Variants in EPS15 observed in about 807,000 individuals in gnomAD.
EPS15 encodes the protein epidermal growth factor receptor pathway substrate 15.
A neutral mutation model predicts 113.8 loss-of-function variants in EPS15; 72 were observed. The ratio of observed to expected loss-of-function variants is 0.63; its 90% CI spans 0.52 to 0.77. The LOEUF (loss-of-function observed/expected upper bound fraction) is 0.77, where lower values mean the gene tolerates loss of function less well. Ranked by LOEUF, EPS15 falls within the 30% of genes least tolerant of loss-of-function variation. The probability of loss-of-function intolerance (pLI) is 0.00; values close to 1 mark genes in which losing one functional copy is unlikely to be tolerated. For missense variants in EPS15, 1,048 were observed against 1,045.8 expected, an observed-to-expected ratio of 1.00 and a Z score of -0.03; for synonymous variants, 344 against 363.4, an observed-to-expected ratio of 0.95 and a Z score of 0.61.
At chr1:51,478,337 G>C (rs1233742053) in intron 2 of EPS15, among the ~76,000 whole-genome samples, 2 of 152,122 alleles carry the variant, frequency 1.3e-5, no homozygotes, top group Non-Finnish European at 2.9e-5. Flanking sequence ...TTTATTTTGA[G>C]CCTATGTGTG....
At chr1:51,357,649 T>C (rs1230462312) in intron 24 of EPS15, among the ~76,000 whole-genome samples, 1 of 116,988 alleles carries the variant, frequency 8.5e-6, no homozygotes, top group Non-Finnish European at 1.8e-5. Context: ...GTAAAAAAGC[T>C]AAGAAGCAAG....
chr1:51,461,164 T>C lies in EPS15; in HGVS notation c.502-14A>G. The C allele has an allele frequency of 2.6e-6, 4 of 1,562,762 alleles. No homozygotes were observed. Among genetic ancestry groups the C allele is most frequent in the Non-Finnish European group, 3.5e-6 (4 of 1,133,956 alleles). ...CAACTCCCAAACCTTAAAAAGAGAATAATTGAAAAAAGATTAATGTTCTTT... is the reference window on the plus strand; with the variant it reads ...CAACTCCCAAACCTTAAAAAGAGAACAATTGAAAAAAGATTAATGTTCTTT... On this transcript the variant is annotated splice_polypyrimidine_tract_variant and intron_variant, in intron 7 of 24. Coordinates refer to ENST00000371733, the MANE Select transcript of EPS15 (RefSeq NM_001981.3).
In EPS15 at chr1:51,512,500, T is replaced by A. The variant is rs895032699; in HGVS notation, c.33+6699A>T. On this transcript the variant is annotated intron_variant, in intron 1 of 24. Transcript: ENST00000371733. Reference sequence around the variant, plus strand: ...AAAAAATGCCAAAAACAAAAAAAAATTCAGAGAAAAAAATTTTGCAAAGGA... The same window carrying A: ...AAAAAATGCCAAAAACAAAAAAAAAATCAGAGAAAAAAATTTTGCAAAGGA... 3.3e-5 allele frequency among the ~76,000 whole-genome samples: 5 copies of A among 151,370 alleles called. No individual in the cohort carries two copies. In the South Asian group the frequency reaches 1.0e-3, roughly 31 times the overall value.
At position 51,403,359 on chromosome 1, in the gene EPS15, ACCT is replaced by A. The variant is rs1240581609; in HGVS notation, c.1791+57_1791+59del. On this transcript the variant is annotated intron_variant, in intron 17 of 24. Coordinates refer to ENST00000371733, the MANE Select transcript of EPS15 (RefSeq NM_001981.3). ...CCCATTAAGTAATGTCTGATAATTC[ACCT>A]CCTCCTGTCCTTCCACCCTTACAAG... The A allele has an allele frequency of 8.1e-6, 7 of 864,274 alleles. No homozygotes were observed. The African/African-American group carries it at 1.2e-4, about 15-fold the overall frequency. The allele number at this position is 864,274 out of a possible 1,614,324, so 53.5% of individuals were successfully genotyped here.
chr1:51,471,075 C>T (rs12756399), intron 4 of EPS15, among the ~76,000 whole-genome samples: 143 of 152,312 alleles, frequency 9.4e-4, no homozygotes, highest in Admixed American at 2.6e-3. Context: ...GATCCTGCTT[C>T]AGCTATGCCG....
At position 51,465,299 on chromosome 1, in the gene EPS15, T is replaced by C. The variant is rs999170512; in HGVS notation, c.337A>G (p.Ser113Gly). Residue 113 changes from serine (S) to glycine (G), a missense_variant, in exon 6 of 25, where the codon AGT (serine) becomes GGT (glycine). By Grantham distance (56) the Ser-to-Gly change is moderately conservative. Coordinates refer to ENST00000371733, the MANE Select transcript of EPS15 (RefSeq NM_001981.3). ...FHDTSSPLLI[S>G]GTSAAELPWA... ...GGGAGCTCAGCTGCAGAGGTTCCAC[T>C]GATTAGCAAAGGACTACTGGTATCA... 6.2e-7 allele frequency: 1 copy of C among 1,611,646 alleles called. No homozygotes were observed. The highest frequency in any genetic ancestry group is 8.5e-7 in the Non-Finnish European group (1 of 1,178,352).
intron 1 of EPS15, among the ~76,000 whole-genome samples, chr1:51,481,829 A>G (rs776927528): frequency 2.0e-5 from 3 of 152,240 alleles, no homozygotes; most frequent in Non-Finnish European, 4.4e-5. Context: ...ACTACAGTTC[A>G]AAGAGTTCCT....
At chr1:51,459,113 C>T (rs1654240391) in intron 8 of EPS15, 2 of 152,134 alleles carry the variant, frequency 1.3e-5, no homozygotes, top group Admixed American at 1.3e-4. Context: ...TGTATTCTGC[C>T]TATTTCATCT....
intron 5 of EPS15, among the ~76,000 whole-genome samples, chr1:51,467,652 G>C (rs536333120): frequency 6.6e-4 from 100 of 152,286 alleles, no homozygotes; most frequent in African/African-American, 2.4e-3. Flanking sequence ...TGTATAGCAG[G>C]AGGTGAGCAG....
At chr1:51,501,049 A>C (rs1161961834) in intron 1 of EPS15, among the ~76,000 whole-genome samples, 7 of 152,142 alleles carry the variant, frequency 4.6e-5, no homozygotes, top group Admixed American at 4.6e-4. Context: ...ATATTAAAAA[A>C]CACAAAAGAA....
At chr1:51,392,368 G>C (rs1258036340) in intron 21 of EPS15, among the ~76,000 whole-genome samples, 1 of 152,160 alleles carries the variant, frequency 6.6e-6, no homozygotes, top group East Asian at 1.9e-4. Flanking sequence ...AACTCTGCAA[G>C]TGTTCAATAA....
At chr1:51,379,843 C>T (rs1646896771) in intron 21 of EPS15, among the ~76,000 whole-genome samples, 2 of 152,244 alleles carry the variant, frequency 1.3e-5, no homozygotes, top group South Asian at 4.2e-4. Flanking sequence ...GGACGGATCA[C>T]TTGAGGTCAG....
Position 51,383,937 on chromosome 1 carries a change from T to C in EPS15, c.2119+10444A>G, listed in dbSNP as rs192786369. ...CATATGAAAATCAGTCATATTTCTA[T>C]ATACCAACAATGAACAATCTGGAAA... On this transcript the variant is annotated intron_variant, in intron 21 of 24. Coordinates refer to ENST00000371733, the MANE Select transcript of EPS15 (RefSeq NM_001981.3). 2.2e-4 allele frequency among the ~76,000 whole-genome samples: 33 copies of C among 152,270 alleles called. No individual in the cohort carries two copies. The East Asian group carries it at 5.8e-3, about 27-fold the overall frequency.
At position 51,415,019 on chromosome 1, in the gene EPS15, GT is replaced by G. The variant is rs538380293; in HGVS notation, c.1114-5324del. On this transcript the variant is annotated intron_variant, in intron 13 of 24. Transcript: ENST00000371733. Reference sequence around the variant, plus strand: ...ATAATCAGAAAATGTCAAGTTTGCTGTTTTTTTTAAGTATCACATTGCTACC... The same window carrying G: ...ATAATCAGAAAATGTCAAGTTTGCTGTTTTTTTAAGTATCACATTGCTACC... Among the ~76,000 whole-genome samples, 827 of 151,690 alleles carry G rather than the reference GT, an allele frequency of 5.5e-3. 6 individuals are homozygous for G. Among genetic ancestry groups the G allele is most frequent in the Non-Finnish European group, 9.3e-3 (631 of 67,882 alleles).
intron 2 of EPS15, among the ~76,000 whole-genome samples, chr1:51,476,196 G>T (rs1643898076): frequency 6.6e-6 from 1 of 152,082 alleles, no homozygotes; most frequent in Non-Finnish European, 1.5e-5. Context: ...AACCATTTTT[G>T]GTTCCATATG....
At chr1:51,416,074 C>T (rs1408879690) in intron 13 of EPS15, among the ~76,000 whole-genome samples, 1 of 152,042 alleles carries the variant, frequency 6.6e-6, no homozygotes, top group Non-Finnish European at 1.5e-5. Flanking sequence ...ATTAAGGCAA[C>T]AGATGTACCT....
chr1:51,402,049 T>C (rs1264585025), intron 18 of EPS15, among the ~76,000 whole-genome samples: 1 of 152,002 alleles, frequency 6.6e-6, no homozygotes, highest in Non-Finnish European at 1.5e-5. Context: ...AGGCAGGAGA[T>C]TAGCTTGAAT....
chr1:51,487,687 C>T (rs1206493192), intron 1 of EPS15, among the ~76,000 whole-genome samples: 1 of 152,116 alleles, frequency 6.6e-6, no homozygotes, highest in Admixed American at 6.5e-5. Flanking sequence ...CAACCTGTGC[C>T]TTAATAATCC....
intron 23 of EPS15, among the ~76,000 whole-genome samples, chr1:51,363,008 AGAGTCTTGGCCAG>A (rs1157966073): frequency 7.9e-5 from 12 of 152,136 alleles, no homozygotes; most frequent in Admixed American, 6.6e-5. Context: ...CTATTAGAAA[AGAGTCTTGGCCAG>A]GTGCAGTGGC....
Sources: allele counts gnomAD v4.1 joint callset (sites outside exome capture counted in the v4.1 genomes callset), GRCh38; gene constraint gnomAD v4.1.1; transcripts MANE v1.5; gene names NCBI Gene and HGNC (gene_info 2026-07-23, HGNC 2026-07-21).